The following CAMTA1 variants were observed in gnomAD, a reference collection of about 807,000 sequenced individuals.
CAMTA1 encodes calmodulin-binding transcription activator 1.
In CAMTA1, 27 loss-of-function variants were observed where a neutral mutation model predicts 170.9. The ratio of observed to expected loss-of-function variants is 0.16; its 90% CI spans 0.12 to 0.22. The LOEUF (loss-of-function observed/expected upper bound fraction) is 0.22, where lower values mean the gene tolerates loss of function less well. Among genes scored for constraint, CAMTA1 ranks in the 10% least tolerant of loss-of-function variants. The pLI, the probability that CAMTA1 is intolerant of heterozygous loss-of-function variation, is 1.00. For synonymous variants in CAMTA1, 833 were observed against 891.5 expected (o/e 0.93, Z 1.17); for missense variants, 1,619 against 2,217.2 (o/e 0.73, Z 5.42).
intron 5 of CAMTA1, among the ~76,000 whole-genome samples, chr1:7,375,467 C>A (rs1178972366): frequency 6.6e-6 from 1 of 152,200 alleles, no homozygotes; most frequent in Non-Finnish European, 1.5e-5. Context: ...GCCTTATGCA[C>A]TCACCTGGTT....
rs539155360 is a variant in CAMTA1 at position 7,034,152 on chromosome 1, G to A, written c.235-57152G>A. On this transcript the variant is annotated intron_variant, in intron 3 of 22. Coordinates refer to ENST00000303635, the MANE Select transcript of CAMTA1 (RefSeq NM_015215.4). ...GGTCCAAGTGTGAGTGACAGTGATT[G>A]TTGTTTTGTTTATTTGTTTGTTTGA... 3.3e-5 allele frequency among the ~76,000 whole-genome samples: 5 copies of A among 151,696 alleles called. No individual in the cohort carries two copies. The South Asian group carries it at 1.1e-3, about 32-fold the overall frequency.
rs1312492053 is a variant in CAMTA1 at position 7,673,212 on chromosome 1, G to A, written c.2779+2175G>A. ...TCTGACCCCTCTACAGAAAAAGAAA[G>A]GCTGGGCTTTGTGTGGCCCCGGGGC... On this transcript the variant is annotated intron_variant, in intron 10 of 22. Transcript: ENST00000303635. This position sits in a 1 kb window ranked among gnomAD's most constrained non-coding sequence, Gnocchi z 4.6. Among the ~76,000 whole-genome samples the A allele has an allele frequency of 6.6e-6, 1 of 152,240 alleles. No individual in the cohort carries two copies.
At chr1:7,425,696 C>A (rs184375223) in intron 5 of CAMTA1, among the ~76,000 whole-genome samples, 1 of 144,786 alleles carries the variant, frequency 6.9e-6, no homozygotes, top group Non-Finnish European at 1.5e-5. Context: ...ATGGCTGCTA[C>A]CCACCGAGAG....
At position 7,044,315 on chromosome 1, in the gene CAMTA1, G is replaced by A. The variant is rs149431002; in HGVS notation, c.235-46989G>A. Reference sequence around the variant, plus strand: ...GGGAATGGGGGAGACCCAGAGAGACGCAGAGCAGTGCCGCTGGGGACCCCG... The same window carrying A: ...GGGAATGGGGGAGACCCAGAGAGACACAGAGCAGTGCCGCTGGGGACCCCG... On this transcript the variant is annotated intron_variant, in intron 3 of 22. Coordinates refer to ENST00000303635, the MANE Select transcript of CAMTA1 (RefSeq NM_015215.4). This position sits in a 1 kb window ranked among gnomAD's most constrained non-coding sequence, Gnocchi z 5.0. 1.3e-5 allele frequency among the ~76,000 whole-genome samples: 2 copies of A among 152,246 alleles called. No homozygotes were observed. The highest frequency in any genetic ancestry group is 3.9e-4 in the East Asian group (2 of 5,166).
At chr1:7,037,042 A>T (rs1703702438) in intron 3 of CAMTA1, among the ~76,000 whole-genome samples, 1 of 152,204 alleles carries the variant, frequency 6.6e-6, no homozygotes, top group African/African-American at 2.4e-5. Flanking sequence ...TAGATAGTAA[A>T]ACAAAAGAAC....
At chr1:7,458,105 A>T (rs2093003718) in intron 5 of CAMTA1, among the ~76,000 whole-genome samples, 1 of 151,918 alleles carries the variant, frequency 6.6e-6, no homozygotes, top group East Asian at 1.9e-4. Context: ...CAGCTTTTTG[A>T]CGTTTGCTGC....
intron 4 of CAMTA1, among the ~76,000 whole-genome samples, chr1:7,223,816 G>A (rs1661227802): frequency 6.6e-6 from 1 of 152,128 alleles, no homozygotes; most frequent in Non-Finnish European, 1.5e-5. Flanking sequence ...TTTCCACGTG[G>A]TTCATGAATA....
intron 5 of CAMTA1, among the ~76,000 whole-genome samples, chr1:7,332,529 A>G (rs931360360): frequency 3.3e-5 from 5 of 152,214 alleles, no homozygotes; most frequent in African/African-American, 1.2e-4. Context: ...TCTGTTGTCT[A>G]TTCACGGGAC....
At chr1:7,319,143 A>T (rs575209188) in intron 5 of CAMTA1, among the ~76,000 whole-genome samples, 1 of 152,262 alleles carries the variant, frequency 6.6e-6, no homozygotes, top group Non-Finnish European at 1.5e-5. Flanking sequence ...ACTTATGTAC[A>T]TTTGTGGTGG....
intron 6 of CAMTA1, among the ~76,000 whole-genome samples, chr1:7,591,007 G>A (rs2095351415): frequency 6.6e-6 from 1 of 152,342 alleles, no homozygotes; most frequent in South Asian, 2.1e-4. Context: ...ATTATCAAGT[G>A]TGTGACCACA....
intron 4 of CAMTA1, among the ~76,000 whole-genome samples, chr1:7,159,832 A>G (rs1217513355): frequency 6.6e-6 from 1 of 152,160 alleles, no homozygotes; most frequent in East Asian, 1.9e-4. Context: ...TACAGGCATG[A>G]GCTACCACCC....
chr1:6,856,168 G>T (rs1031428778), intron 3 of CAMTA1, among the ~76,000 whole-genome samples: 3 of 152,088 alleles, frequency 2.0e-5, no homozygotes, highest in African/African-American at 7.2e-5. Context: ...TTGTAGAGAT[G>T]GGTACTGGAG....
chr1:7,608,195 G>T lies in CAMTA1; in HGVS notation c.511-32205G>T, dbSNP rs78060005. Among the ~76,000 whole-genome samples, 1,019 of 152,322 alleles carry T rather than the reference G, an allele frequency of 6.7e-3. 12 individuals carry two copies. The highest frequency in any genetic ancestry group is 0.023 in the African/African-American group (956 of 41,574). ...GCCCGCTCCTCTGACTGAGCTCTCAGATGCTGCCCAGGTGACCTGAGGAAG... is the reference window on the plus strand; with the variant it reads ...GCCCGCTCCTCTGACTGAGCTCTCATATGCTGCCCAGGTGACCTGAGGAAG... On this transcript the variant is annotated intron_variant, in intron 6 of 22. Transcript: ENST00000303635.
At chr1:6,825,475 A>G (rs147676047) in intron 3 of CAMTA1, among the ~76,000 whole-genome samples, 25 of 152,290 alleles carry the variant, frequency 1.6e-4, no homozygotes, top group African/African-American at 5.8e-4. Context: ...GTTTTCTTGC[A>G]TTTTAGTGTC....
intron 4 of CAMTA1, among the ~76,000 whole-genome samples, chr1:7,149,909 C>A (rs529436051): frequency 4.8e-4 from 73 of 152,354 alleles, no homozygotes; most frequent in Middle Eastern, 3.4e-3. Context: ...CGAATCCTGG[C>A]AGCCCTGCCT....
intron 1 of CAMTA1, among the ~76,000 whole-genome samples, chr1:6,790,527 C>A (rs1157261515): frequency 2.6e-5 from 4 of 151,964 alleles, no homozygotes; most frequent in Non-Finnish European, 5.9e-5. Context: ...TCGCACTAGG[C>A]ATTCTATAGA....
At chr1:7,110,756 C>T (rs771220184) in intron 4 of CAMTA1, among the ~76,000 whole-genome samples, 8 of 152,224 alleles carry the variant, frequency 5.3e-5, no homozygotes, top group South Asian at 2.1e-4. Context: ...TCCCTTTGGT[C>T]GGTCCTCTTT....
At chr1:7,479,347 T>A (rs2093475347) in intron 6 of CAMTA1, among the ~76,000 whole-genome samples, 1 of 151,928 alleles carries the variant, frequency 6.6e-6, no homozygotes, top group African/African-American at 2.4e-5. Context: ...GCCACAAGCC[T>A]CCCCTCTCAG....
chr1:6,906,525 C>T (rs1341397389), intron 3 of CAMTA1, among the ~76,000 whole-genome samples: 1 of 152,072 alleles, frequency 6.6e-6, no homozygotes, highest in Non-Finnish European at 1.5e-5. Context: ...CAGGCAATGG[C>T]GGGAGATGTG....
Sources: gnomAD v4.1 joint callset for allele counts (sites outside exome capture counted in the v4.1 genomes callset) on GRCh38, gnomAD v4.1.1 for gene constraint, Gnocchi (gnomAD v3.1) non-coding constraint, MANE v1.5 for transcripts, NCBI Gene and HGNC (gene_info 2026-07-23, HGNC 2026-07-21) for gene names.